GGACT: variants seen among roughly 807,000 people sequenced by gnomAD.
GGACT encodes the protein gamma-glutamylaminecyclotransferase.
For missense variants in GGACT, 241 were observed against 233.2 expected (o/e 1.03, Z -0.22); for synonymous variants, 118 against 115.3 (o/e 1.02, Z -0.15).
intron 2 of GGACT, among the ~76,000 whole-genome samples, chr13:100,574,264 C>T (rs957263129): frequency 2.0e-5 from 3 of 152,138 alleles, no homozygotes; most frequent in African/African-American, 7.2e-5. Context: ...ATAAGCTTAA[C>T]TGAATTAACA....
intron 2 of GGACT, among the ~76,000 whole-genome samples, chr13:100,579,727 G>C (rs1343273790): frequency 3.9e-5 from 6 of 152,192 alleles, no homozygotes; most frequent in Non-Finnish European, 8.8e-5. Context: ...ATGGCGGTCT[G>C]TGCTTCTTCA....
In GGACT at chr13:100,532,494, C is replaced by T. The variant is rs1427776941; in HGVS notation, c.98G>A (p.Arg33His). 1.3e-6 allele frequency: 2 copies of T among 1,548,890 alleles called. No homozygotes were observed. The highest frequency in any genetic ancestry group is 2.7e-5 in the African/African-American group (2 of 73,128). ...GAHGSAAFRA[R>H]GRTLEPYPLV... The stretch of plus-strand genomic sequence containing the variant: ...CGGGTAGGGCTCCAGCGTGCGGCCG[C>T]GCGCCCGAAAGGCTGCGGAGCCGTG... Residue 33 changes from arginine to histidine, a missense_variant, in exon 3 of 3, where the codon CGC becomes CAC. By Grantham distance (29) the Arg-to-His change is conservative (BLOSUM62 0). Coordinates refer to ENST00000683975, the MANE Select transcript of GGACT (RefSeq NM_001195087.2).
At chr13:100,559,781 T>C (rs759736801) in intron 2 of GGACT, among the ~76,000 whole-genome samples, 28 of 152,210 alleles carry the variant, frequency 1.8e-4, no homozygotes, top group Non-Finnish European at 3.2e-4. Context: ...AGGCATGAGA[T>C]ACCACAGCCG....
At chr13:100,532,643 GCT>G (rs1240821234) in intron 2 of GGACT, 42 bp from the exon 3 acceptor site, 86 of 1,450,698 alleles carry the variant, frequency 5.9e-5, no homozygotes, top group Non-Finnish European at 7.8e-5. Flanking sequence ...CGCAGTGGGA[GCT>G]CTGTGTCTGC....
rs958146407 is a variant in GGACT, at chr13:100,530,809, T to G, written c.*1321A>C. Reference sequence around the variant, plus strand: ...GCTGTCTCCACTGTTTTTGTTTGTTTTGAGGATGAGCGCGCTGCCTGGTCC... The same window carrying G: ...GCTGTCTCCACTGTTTTTGTTTGTTGTGAGGATGAGCGCGCTGCCTGGTCC... On this transcript the variant is annotated 3_prime_UTR_variant, in exon 3 of 3. Transcript: ENST00000683975. The G allele has an allele frequency of 6.0e-6, 1 of 166,210 alleles. No individual in the cohort carries two copies. Among genetic ancestry groups the G allele is most frequent in the African/African-American group, 2.4e-5 (1 of 41,544 alleles). The allele number at this position is 166,210 out of a possible 1,614,324, so 10.3% of individuals were successfully genotyped here. A position where few individuals can be genotyped will look rare whatever the true frequency, so the allele number is the denominator to read the frequency against.
intron 2 of GGACT, among the ~76,000 whole-genome samples, chr13:100,572,964 G>A (rs1338081572): frequency 2.0e-5 from 3 of 152,102 alleles, no homozygotes; most frequent in African/African-American, 7.2e-5. Context: ...CTATATAATG[G>A]CATCTTTTAT....
chr13:100,532,657 C>T, intron 2 of GGACT, 56 bp from the exon 3 acceptor site: 1 of 1,388,522 alleles, frequency 7.2e-7, no homozygotes, highest in Non-Finnish European at 9.7e-7. Context: ...TGTGTCTGCA[C>T]CTGGGACGTG....
At chr13:100,548,852 G>C (rs1373277611) in intron 2 of GGACT, among the ~76,000 whole-genome samples, 1 of 152,244 alleles carries the variant, frequency 6.6e-6, no homozygotes, top group African/African-American at 2.4e-5. Flanking sequence ...ACATCCAGGG[G>C]ACACAGGGTC....
rs1407228493 is a variant in GGACT, at chr13:100,532,234, T to C, written c.358A>G (p.Ser120Gly). 1 of 1,500,454 alleles carries C rather than the reference T, an allele frequency of 6.7e-7. No individual in the cohort carries two copies. Among genetic ancestry groups the C allele is most frequent in the South Asian group, 1.3e-5 (1 of 76,530 alleles). 92.9% of individuals were successfully genotyped at this position (1,500,454 alleles called of 1,614,324 possible). The stretch of plus-strand genomic sequence containing the variant: ...CACTCCGGCGGGAAGGTGGCCCTGC[T>C]GTACACGAAGCACTGCACCGCGGTG... ...APTAVQCFVYSRATFPPEWAQ... is the reference protein window; with the variant it reads ...APTAVQCFVYGRATFPPEWAQ... Residue 120 changes from serine to glycine, a missense_variant, in exon 3 of 3, where the codon AGC (serine) becomes GGC (glycine). Coordinates refer to ENST00000683975, the MANE Select transcript of GGACT (RefSeq NM_001195087.2).
At chr13:100,537,034 G>C (rs1045166673) in intron 2 of GGACT, 1 of 152,320 alleles carries the variant, frequency 6.6e-6, no homozygotes, top group Non-Finnish European at 1.5e-5. Flanking sequence ...CTGTGCAGGA[G>C]CTTAAGTTTT....
At chr13:100,536,954 C>G (rs148626529) in intron 2 of GGACT, 1 of 152,734 alleles carries the variant, frequency 6.5e-6, no homozygotes, top group East Asian at 1.9e-4. Flanking sequence ...GTCCTTGCCT[C>G]TGTGGCCTGC....
rs184559714 is a variant in GGACT, at chr13:100,564,829, G to A, written c.-11+18996C>T. On this transcript the variant is annotated intron_variant, in intron 2 of 2. Coordinates refer to ENST00000683975, the MANE Select transcript of GGACT (RefSeq NM_001195087.2). ...GTGCTCTATGCCCCGGGCAGGGGGC[G>A]GGGGGGCTGGGCCTGAACCCAGCAG... is the stretch of plus-strand genomic sequence containing the variant. Among the ~76,000 whole-genome samples, 405 of 152,214 alleles carry A rather than the reference G, an allele frequency of 2.7e-3. 4 individuals carry two copies. Among genetic ancestry groups the A allele is most frequent in the Admixed American group, 0.02 (302 of 15,296 alleles).
At chr13:100,563,390 A>C (rs2088782700) in intron 2 of GGACT, among the ~76,000 whole-genome samples, 1 of 152,208 alleles carries the variant, frequency 6.6e-6, no homozygotes, top group Admixed American at 6.5e-5. Flanking sequence ...ATGTTCTGGA[A>C]CTAGACAGAA....
chr13:100,568,820 A>G (rs1874990085), intron 2 of GGACT, among the ~76,000 whole-genome samples: 1 of 152,272 alleles, frequency 6.6e-6, no homozygotes, highest in Non-Finnish European at 1.5e-5. Flanking sequence ...CTTCTTACAT[A>G]CAATGAAGGT....
intron 2 of GGACT, among the ~76,000 whole-genome samples, chr13:100,579,108 G>C (rs1875336527): frequency 1.3e-5 from 2 of 152,172 alleles, no homozygotes; most frequent in African/African-American, 4.8e-5. Flanking sequence ...CTTTCTTACT[G>C]GGTGCCCACT....
rs1209146740 is a variant in GGACT, at chr13:100,579,597, G to A, written c.-11+4228C>T. Among the ~76,000 whole-genome samples the A allele has an allele frequency of 2.6e-5, 4 of 152,272 alleles. No individual in the cohort carries two copies. In the South Asian group the frequency reaches 8.3e-4, roughly 32 times the overall value. ...TTCCAGAGGGTCCTACCCCATTCCT[G>A]GAAGGAAGAAATGCTACAACAGAGA... On this transcript the variant is annotated intron_variant, in intron 2 of 2. Coordinates refer to ENST00000683975, the MANE Select transcript of GGACT (RefSeq NM_001195087.2).
At chr13:100,551,121 A>G (rs1366646615) in intron 2 of GGACT, among the ~76,000 whole-genome samples, 1 of 152,030 alleles carries the variant, frequency 6.6e-6, no homozygotes, top group South Asian at 2.1e-4. Context: ...CATCTCTACT[A>G]AAAGTACAAA....
intron 1 of GGACT, among the ~76,000 whole-genome samples, chr13:100,588,122 T>G (rs1399280281): frequency 1.3e-5 from 2 of 152,240 alleles, no homozygotes; most frequent in Non-Finnish European, 2.9e-5. Context: ...CAAAAAACAC[T>G]TAAGTCTGCT....
chr13:100,585,822 CA>C (rs550006144), intron 1 of GGACT, among the ~76,000 whole-genome samples: 3,047 of 28,642 alleles, frequency 0.11, 10 homozygotes, highest in Non-Finnish European at 0.16. Flanking sequence ...CTGTCTCCAC[CA>C]AAAAAAAAAA....
Sources: gnomAD v4.1 joint callset for allele counts (sites outside exome capture counted in the v4.1 genomes callset) on GRCh38, gnomAD v4.1.1 for gene constraint, MANE v1.5 for transcripts, NCBI Gene and HGNC (gene_info 2026-07-23, HGNC 2026-07-21) for gene names.